TAFA4: variants seen among roughly 807,000 people sequenced by gnomAD.
TAFA4 encodes the protein chemokine-like protein TAFA-4.
In TAFA4, 20 loss-of-function variants were observed where a neutral mutation model predicts 21.1. The observed-to-expected ratio is 0.95, with a 90% CI of 0.67 to 1.38. The LOEUF (loss-of-function observed/expected upper bound fraction) is 1.38, where lower values mean the gene tolerates loss of function less well. TAFA4 is among the 40% of genes most tolerant of loss of function. The pLI, the probability that TAFA4 is intolerant of heterozygous loss-of-function variation, is 0.00. For synonymous variants in TAFA4, 71 were observed against 67.4 expected, an observed-to-expected ratio of 1.05 and a Z score of -0.26; for missense variants, 211 against 180.9, an observed-to-expected ratio of 1.17 and a Z score of -0.95.
chr3:68,880,721 AG>A lies in TAFA4; in HGVS notation c.130+8del, dbSNP rs2089606971. On this transcript the variant is annotated splice_region_variant and intron_variant, in intron 3 of 5. Coordinates refer to ENST00000295569, the MANE Select transcript of TAFA4 (RefSeq NM_182522.5). ...TCTCAGCAGTGCATAATGAGCTTAAAGGGCTTACCTGCATGTCCCCGGAGGT... is the reference window on the plus strand; with the variant it reads ...TCTCAGCAGTGCATAATGAGCTTAAAGGCTTACCTGCATGTCCCCGGAGGT... The A allele has an allele frequency of 6.2e-7, 1 of 1,613,044 alleles. No individual in the cohort carries two copies. Among genetic ancestry groups the A allele is most frequent in the Admixed American group, 1.7e-5 (1 of 60,008 alleles).
chr3:68,742,039 G>A (rs533272157), intron 4 of TAFA4, among the ~76,000 whole-genome samples: 2 of 152,222 alleles, frequency 1.3e-5, no homozygotes, highest in South Asian at 2.1e-4. Flanking sequence ...GATTAAATGG[G>A]ATTTATCCTT....
At chr3:68,911,443 T>TA (rs1489702286) in intron 1 of TAFA4, among the ~76,000 whole-genome samples, 1 of 152,236 alleles carries the variant, frequency 6.6e-6, no homozygotes, top group Non-Finnish European at 1.5e-5. Context: ...GGTCCCATGC[T>TA]AGCTCATTTA....
At chr3:68,782,213 A>G (rs1046435616) in intron 3 of TAFA4, among the ~76,000 whole-genome samples, 2 of 152,226 alleles carry the variant, frequency 1.3e-5, no homozygotes, top group Non-Finnish European at 2.9e-5. Context: ...TCTCCAAAGA[A>G]GATACCAAAT....
intron 1 of TAFA4, among the ~76,000 whole-genome samples, chr3:68,923,328 G>A (rs550335828): frequency 1.3e-5 from 2 of 152,200 alleles, no homozygotes; most frequent in East Asian, 1.9e-4. Flanking sequence ...GTGACTAAAC[G>A]TGCCTTCCTT....
At chr3:68,904,386 C>T (rs762061772) in intron 1 of TAFA4, among the ~76,000 whole-genome samples, 13 of 152,110 alleles carry the variant, frequency 8.5e-5, no homozygotes, top group Non-Finnish European at 1.6e-4. Flanking sequence ...AAGGAGATGA[C>T]GTTTCTAAGA....
At chr3:68,916,470 A>G (rs1013362026) in intron 1 of TAFA4, among the ~76,000 whole-genome samples, 1 of 151,998 alleles carries the variant, frequency 6.6e-6, no homozygotes, top group African/African-American at 2.4e-5. Context: ...CTCGGATTTT[A>G]CAGAACTCAA....
intron 1 of TAFA4, among the ~76,000 whole-genome samples, chr3:68,922,278 G>A (rs1057462571): frequency 6.6e-6 from 1 of 152,128 alleles, no homozygotes; most frequent in Non-Finnish European, 1.5e-5. Flanking sequence ...CAGACTTATT[G>A]AATCACAAAC....
intron 3 of TAFA4, among the ~76,000 whole-genome samples, chr3:68,835,506 T>C (rs1704502289): frequency 6.6e-6 from 1 of 152,170 alleles, no homozygotes; most frequent in Non-Finnish European, 1.5e-5. Context: ...GCATAATAAA[T>C]AATACATGCC....
chr3:68,928,738 G>A (rs4616646), intron 1 of TAFA4, among the ~76,000 whole-genome samples: 1 of 152,096 alleles, frequency 6.6e-6, no homozygotes, highest in Non-Finnish European at 1.5e-5. Context: ...CCTCCGCAGA[G>A]ACAGCCAAGG....
intron 3 of TAFA4, among the ~76,000 whole-genome samples, chr3:68,810,005 A>G (rs1703797249): frequency 6.6e-6 from 1 of 152,168 alleles, no homozygotes; most frequent in Non-Finnish European, 1.5e-5. Context: ...TTTTCTAATC[A>G]TGATGCCTCT....
intron 3 of TAFA4, among the ~76,000 whole-genome samples, chr3:68,769,701 G>T (rs995559712): frequency 1.1e-4 from 16 of 152,078 alleles, no homozygotes; most frequent in African/African-American, 3.6e-4. Context: ...TACAATTATT[G>T]TGTGTTAGTA....
At chr3:68,742,230 C>T (rs1702370375) in intron 4 of TAFA4, among the ~76,000 whole-genome samples, 1 of 104,826 alleles carries the variant, frequency 9.5e-6, no homozygotes, top group South Asian at 4.8e-4. Flanking sequence ...TTATAAAGGT[C>T]ATATACGACA....
chr3:68,799,741 G>A (rs1248377263), intron 3 of TAFA4, among the ~76,000 whole-genome samples: 4 of 91,840 alleles, frequency 4.4e-5, no homozygotes, highest in African/African-American at 1.5e-4. Context: ...AACCTGAAAG[G>A]GGCAAAGAGA....
At chr3:68,830,119 A>G (rs1335199485) in intron 3 of TAFA4, among the ~76,000 whole-genome samples, 1 of 151,860 alleles carries the variant, frequency 6.6e-6, no homozygotes, top group Non-Finnish European at 1.5e-5. Context: ...TCAATTTTGT[A>G]GATCTTTTCA....
intron 3 of TAFA4, among the ~76,000 whole-genome samples, chr3:68,838,305 C>A (rs960930537): frequency 6.6e-5 from 10 of 152,236 alleles, no homozygotes; most frequent in Admixed American, 2.0e-4. Context: ...GCTAACTGAG[C>A]TACCAAAAAT....
rs76953984 is a variant in TAFA4 at position 68,888,712 on chromosome 3, A to G, written c.-122-3402T>C. Among the ~76,000 whole-genome samples, 1,070 of 152,198 alleles carry G rather than the reference A, an allele frequency of 7.0e-3. 7 individuals carry two copies. Among genetic ancestry groups the G allele is most frequent in the African/African-American group, 0.025 (1,027 of 41,524 alleles). ...CTTCTTGCTACATTATCCCATGGCA[A>G]AAGATGGAAGGGAAAGAGTGCTCAA... On this transcript the variant is annotated intron_variant, in intron 1 of 5. Coordinates refer to ENST00000295569, the MANE Select transcript of TAFA4 (RefSeq NM_182522.5).
intron 3 of TAFA4, among the ~76,000 whole-genome samples, chr3:68,879,528 G>C (rs563073285): frequency 6.6e-6 from 1 of 152,090 alleles, no homozygotes; most frequent in South Asian, 2.1e-4. Flanking sequence ...CACTATCCTC[G>C]TGAACAAACT....
intron 3 of TAFA4, among the ~76,000 whole-genome samples, chr3:68,794,734 C>T (rs1027293490): frequency 1.3e-5 from 2 of 152,040 alleles, no homozygotes; most frequent in Non-Finnish European, 2.9e-5. Flanking sequence ...AAAATATATA[C>T]ACTCCATACC....
intron 3 of TAFA4, among the ~76,000 whole-genome samples, chr3:68,809,855 T>A (rs982540806): frequency 1.3e-5 from 2 of 152,208 alleles, no homozygotes; most frequent in Admixed American, 1.3e-4. Flanking sequence ...GGCACCTTTG[T>A]CAAAAATCAT....
Sources: allele counts gnomAD v4.1 joint callset (sites outside exome capture counted in the v4.1 genomes callset), GRCh38; gene constraint gnomAD v4.1.1; transcripts MANE v1.5; gene names NCBI Gene and HGNC (gene_info 2026-07-23, HGNC 2026-07-21).